The following RYR1 variants were observed in gnomAD, a reference collection of about 807,000 sequenced individuals.
RYR1 encodes central core disease of muscle.
RYR1 carries 342 observed loss-of-function variants against 583.5 expected under a neutral mutation model. That is an observed-to-expected ratio of 0.59 (90% CI 0.54 to 0.64). The LOEUF is 0.64. Among genes scored for constraint, RYR1 ranks in the 30% least tolerant of loss-of-function variants. The pLI, the probability that RYR1 is intolerant of heterozygous loss-of-function variation, is 0.00. For missense variants in RYR1, 6,032 were observed against 6,917.2 expected (o/e 0.87, Z 4.54); for synonymous variants, 2,791 against 2,822.5 (o/e 0.99, Z 0.35).
At chr19:38,540,266 G>T (rs1417815184) in intron 84 of RYR1, among the ~76,000 whole-genome samples, 1 of 151,562 alleles carries the variant, frequency 6.6e-6, no homozygotes, top group Non-Finnish European at 1.5e-5. Context: ...CTTGAGCCCA[G>T]CAGTTCAAGA....
intron 13 of RYR1, among the ~76,000 whole-genome samples, chr19:38,453,931 G>T (rs1288635681): frequency 6.6e-6 from 1 of 152,120 alleles, no homozygotes; most frequent in Non-Finnish European, 1.5e-5. Flanking sequence ...GCTAGTTAGT[G>T]GCAGAGCCGG....
intron 80 of RYR1, 34 bp downstream of exon 80, chr19:38,535,254 A>C: frequency 1.2e-6 from 2 of 1,613,652 alleles, no homozygotes; most frequent in Non-Finnish European, 1.7e-6. Flanking sequence ...GAAGAAGGCA[A>C]GGAGGGATGA....
intron 89 of RYR1, among the ~76,000 whole-genome samples, chr19:38,560,773 C>T (rs1313509726): frequency 6.9e-6 from 1 of 145,536 alleles, no homozygotes; most frequent in Non-Finnish European, 1.5e-5. Context: ...GAAAAAAAAG[C>T]AAGTTTCAGC....
chr19:38,554,461 A>G (rs963357755), intron 89 of RYR1, among the ~76,000 whole-genome samples: 1 of 148,484 alleles, frequency 6.7e-6, no homozygotes, highest in Non-Finnish European at 1.5e-5. Context: ...AAAAGAAAAA[A>G]AAAATAAGTA....
In RYR1 at chr19:38,480,100, G is replaced by A. The variant is rs1230692625; in HGVS notation, c.4620+1500G>A. On this transcript the variant is annotated intron_variant, in intron 31 of 105. Transcript: ENST00000359596. ...TGAACTGCCATGCCCCTGTCACACAGCTTCAACTGTCACCCACTCACAGCC... is the reference window on the plus strand; with the variant it reads ...TGAACTGCCATGCCCCTGTCACACAACTTCAACTGTCACCCACTCACAGCC... Among the ~76,000 whole-genome samples the A allele has an allele frequency of 3.1e-4, 47 of 151,986 alleles. 1 individual carries two copies. Among genetic ancestry groups the A allele is most frequent in the Admixed American group, 3.1e-3 (47 of 15,242 alleles).
At chr19:38,511,966 C>T (rs1970745671) in intron 61 of RYR1, 106 bp from the exon 62 acceptor site, 1 of 1,334,296 alleles carries the variant, frequency 7.5e-7, no homozygotes. Context: ...TCCAACTTAG[C>T]CCGCAGGTAG....
chr19:38,458,056 G>T lies in RYR1; in HGVS notation c.1931G>T (p.Arg644Leu). 1 of 1,613,318 alleles carries T rather than the reference G, an allele frequency of 6.2e-7. No homozygotes were observed. The highest frequency in any genetic ancestry group is 8.5e-7 in the Non-Finnish European group (1 of 1,179,982). The change falls in exon 18 of 106, where the codon CGC becomes CTC. Residue 644 changes from arginine (R) to leucine (L), a missense_variant. By Grantham distance (102) the Arg-to-Leu change is moderately radical. Coordinates refer to ENST00000359596, the MANE Select transcript of RYR1 (RefSeq NM_000540.3). ...CTGTCCCATCTCTCCTGCAGCATCC[G>T]CCCCAACATCTTTGTGGGCCGAGCG... Reference protein sequence around the residue: ...TNLINYVTSIRPNIFVGRAEG... With the variant: ...TNLINYVTSILPNIFVGRAEG...
In RYR1 at chr19:38,519,275, A is replaced by G. The variant is rs1185592369; in HGVS notation, c.10080A>G (p.Pro3360=). 6.2e-7 allele frequency: 1 copy of G among 1,613,922 alleles called. No homozygotes were observed. Among genetic ancestry groups the G allele is most frequent in the East Asian group, 2.2e-5 (1 of 44,884 alleles). The change falls in exon 67 of 106, where the codon CCA becomes CCG. Residue 3360 remains proline (P), a synonymous_variant. Coordinates refer to ENST00000359596, the MANE Select transcript of RYR1 (RefSeq NM_000540.3). ...RPELLQSHFI[P]TIGRLRKRAG... The stretch of plus-strand genomic sequence containing the variant: ...AGCTCCTGCAGTCCCACTTCATCCC[A>G]ACTATCGGGCGGCTGCGCAAGAGGG...
At chr19:38,482,081 C>T (rs1055344734) in intron 31 of RYR1, among the ~76,000 whole-genome samples, 4 of 151,906 alleles carry the variant, frequency 2.6e-5, no homozygotes, top group African/African-American at 7.3e-5. Context: ...CAGAGTGAGA[C>T]GTCATCTCAA....
chr19:38,483,820 A>C lies in RYR1; in HGVS notation c.4934+304A>C, dbSNP rs2145532233. Reference sequence around the variant, plus strand: ...ACAGGGCCCCAAACCCATCTCAGGGAGCCAGACCCACATCAACACCCCAGG... The same window carrying C: ...ACAGGGCCCCAAACCCATCTCAGGGCGCCAGACCCACATCAACACCCCAGG... On this transcript the variant is annotated intron_variant, in intron 33 of 105. Transcript: ENST00000359596. This position sits in a 1 kb window ranked among gnomAD's most constrained non-coding sequence, Gnocchi z 6.3. Among the ~76,000 whole-genome samples the C allele has an allele frequency of 6.6e-6, 1 of 152,034 alleles. No homozygotes were observed.
intron 58 of RYR1, among the ~76,000 whole-genome samples, chr19:38,510,091 C>T (rs1006069747): frequency 2.6e-5 from 4 of 152,048 alleles, no homozygotes; most frequent in Non-Finnish European, 5.9e-5. Flanking sequence ...GAGGTTGAGG[C>T]GGGTGGATCA....
chr19:38,543,742 TC>T lies in RYR1; in HGVS notation c.11908-22del, dbSNP rs764320470. On this transcript the variant is annotated intron_variant, in intron 86 of 105. Coordinates refer to ENST00000359596, the MANE Select transcript of RYR1 (RefSeq NM_000540.3). The surrounding 1 kb of genome is among the most constrained non-coding windows in gnomAD (Gnocchi z 4.4). The stretch of plus-strand genomic sequence containing the variant: ...CCTGATCCCTTCTCGGGGATTCCCT[TC>T]CCCCCCACACGGCACTCTGCCTCCC... The T allele has an allele frequency of 1.9e-6, 3 of 1,610,652 alleles. No individual in the cohort carries two copies. Among genetic ancestry groups the T allele is most frequent in the South Asian group, 1.1e-5 (1 of 91,028 alleles).
chr19:38,524,007 C>A, intron 70 of RYR1, 78 bp downstream of exon 70: 1 of 1,541,180 alleles, frequency 6.5e-7, no homozygotes, highest in Non-Finnish European at 8.9e-7. Flanking sequence ...GCCCCCGCCT[C>A]GAGAAAACCC....
rs1568552691 is a variant in RYR1 at position 38,537,978 on chromosome 19, G to T, written c.11689+18G>T. 1 of 1,589,276 alleles carries T rather than the reference G, an allele frequency of 6.3e-7. No homozygotes were observed. ...CAATAATGGTGAGGAGGAGGGGTGT[G>T]GGGTGGAGGGGAAGCCGAGGTTTGG... On this transcript the variant is annotated intron_variant, in intron 84 of 105. Coordinates refer to ENST00000359596, the MANE Select transcript of RYR1 (RefSeq NM_000540.3).
chr19:38,565,559 A>G lies in RYR1; in HGVS notation c.13225A>G (p.Ser4409Gly), dbSNP rs1211340506. 7 of 1,484,150 alleles carry G rather than the reference A, an allele frequency of 4.7e-6. No individual in the cohort carries two copies. Among genetic ancestry groups the G allele is most frequent in the African/African-American group, 1.5e-5 (1 of 68,360 alleles). 91.9% of individuals were successfully genotyped at this position (1,484,150 alleles called of 1,614,324 possible). ...PGGDADGEGA[S>G]EGAGDAAEGA... is the part of the protein sequence containing the mutation. ...CGGAGACGCAGACGGCGAGGGTGCC[A>G]GCGAGGGCGCTGGAGACGCCGCGGA... Residue 4409 changes from serine (S) to glycine (G), a missense_variant, in exon 91 of 106, where the codon AGC becomes GGC. Around this residue, in one of 11 missense-constraint regions of RYR1, gnomAD observed 753 missense variants for 759.6 expected, o/e 0.99. Coordinates refer to ENST00000359596, the MANE Select transcript of RYR1 (RefSeq NM_000540.3). The surrounding 1 kb of genome is among the most constrained non-coding windows in gnomAD (Gnocchi z 4.7).
In RYR1 at chr19:38,483,570, G is replaced by C; in HGVS notation, c.4934+54G>C. On this transcript the variant is annotated intron_variant, in intron 33 of 105. Coordinates refer to ENST00000359596, the MANE Select transcript of RYR1 (RefSeq NM_000540.3). The surrounding 1 kb of genome is among the most constrained non-coding windows in gnomAD (Gnocchi z 6.3). Reference sequence around the variant, plus strand: ...GGGCAGGTGTTGCAAGCCCTCTGGGGTCTGGGTCCCACTCAGTGCCCCTCC... The same window carrying C: ...GGGCAGGTGTTGCAAGCCCTCTGGGCTCTGGGTCCCACTCAGTGCCCCTCC... The C allele has an allele frequency of 6.8e-7, 1 of 1,477,218 alleles. No individual in the cohort carries two copies. Among genetic ancestry groups the C allele is most frequent in the Non-Finnish European group, 9.1e-7 (1 of 1,094,464 alleles). 91.5% of individuals were successfully genotyped at this position (1,477,218 alleles called of 1,614,324 possible).
At chr19:38,507,866 G>A (rs1464169567) in intron 58 of RYR1, 39 bp downstream of exon 58, 2 of 1,280,102 alleles carry the variant, frequency 1.6e-6, no homozygotes, top group Non-Finnish European at 1.1e-6. Flanking sequence ...CGCCCCACCT[G>A]CAGACACCAG....
At chr19:38,528,494 C>A in intron 74 of RYR1, 76 bp downstream of exon 74, 1 of 1,590,418 alleles carries the variant, frequency 6.3e-7, no homozygotes. Flanking sequence ...GAATGGAGGG[C>A]CAACGTGATG....
chr19:38,507,008 G>C (rs1970487344), intron 57 of RYR1, 56 bp downstream of exon 57: 2 of 1,610,786 alleles, frequency 1.2e-6, no homozygotes, highest in South Asian at 1.1e-5. Context: ...CCCGGCAAAG[G>C]CTGGAAGGGG....
Sources: gnomAD v4.1 joint callset for allele counts (sites outside exome capture counted in the v4.1 genomes callset) on GRCh38, gnomAD v4.1.1 for gene constraint, gnomAD v4.1.1 regional missense constraint, Gnocchi (gnomAD v3.1) non-coding constraint, MANE v1.5 for transcripts, NCBI Gene and HGNC (gene_info 2026-07-23, HGNC 2026-07-21) for gene names.